TARS3: variants seen among roughly 807,000 people sequenced by gnomAD.
The protein encoded by TARS3 is threonyl-tRNA synthetase 3, also known as threonine--tRNA ligase 2, cytoplasmic.
TARS3 carries 94 observed loss-of-function variants against 103.5 expected under a neutral mutation model. That is an observed-to-expected ratio of 0.91 (90% confidence interval 0.77 to 1.08). TARS3 has a LOEUF of 1.08. Among genes scored for constraint, TARS3 ranks in the 50% least tolerant of loss-of-function variants. The pLI, the probability that TARS3 is intolerant of heterozygous loss-of-function variation, is 0.00. For synonymous variants in TARS3, 416 were observed against 355.4 expected (o/e 1.17, Z -1.92); for missense variants, 952 against 995.2 (o/e 0.96, Z 0.58).
rs572040018 is a variant in TARS3, at chr15:101,693,996, G to A, written c.1320+7090C>T. On this transcript the variant is annotated intron_variant, in intron 10 of 18. Transcript: ENST00000335968. ...CAGTTCTGCATGTTATCAAAAAGGC[G>A]TACATTTTACTGCATGACAATTAAA... 5.3e-5 allele frequency among the ~76,000 whole-genome samples: 8 copies of A among 151,936 alleles called. No individual in the cohort carries two copies. The South Asian group carries it at 8.3e-4, about 16-fold the overall frequency.
At chr15:101,662,005 CTT>C (rs1028250157) in intron 15 of TARS3, among the ~76,000 whole-genome samples, 189 bp from the exon 16 acceptor site, 1 of 152,012 alleles carries the variant, frequency 6.6e-6, no homozygotes, top group Non-Finnish European at 1.5e-5. Context: ...ATTTTAAAAA[CTT>C]TTTATTAGAG....
chr15:101,714,449 T>C (rs1375557377), intron 4 of TARS3, among the ~76,000 whole-genome samples: 2 of 151,104 alleles, frequency 1.3e-5, no homozygotes, highest in Non-Finnish European at 3.0e-5. Context: ...ACAAAAAATA[T>C]GAAAAATTAT....
intron 12 of TARS3, among the ~76,000 whole-genome samples, chr15:101,683,513 T>G (rs1357309894): frequency 6.6e-6 from 1 of 152,214 alleles, no homozygotes; most frequent in African/African-American, 2.4e-5. Context: ...ACAAATACTC[T>G]GAGCTTTTTG....
intron 4 of TARS3, among the ~76,000 whole-genome samples, chr15:101,713,553 A>G (rs1403848862): frequency 6.6e-6 from 1 of 152,230 alleles, no homozygotes; most frequent in African/African-American, 2.4e-5. Context: ...CAGATTCTAG[A>G]TATTTTTAGG....
chr15:101,669,070 G>A (rs1048145983), intron 15 of TARS3, among the ~76,000 whole-genome samples: 1 of 152,216 alleles, frequency 6.6e-6, no homozygotes, highest in Admixed American at 6.5e-5. Flanking sequence ...TATCATGGGT[G>A]ATGACAGCTC....
chr15:101,719,915 A>C (rs1900362290), intron 3 of TARS3, among the ~76,000 whole-genome samples: 1 of 151,004 alleles, frequency 6.6e-6, no homozygotes, highest in South Asian at 2.1e-4. Context: ...TGATCAATTC[A>C]GGGGGTTTGA....
At chr15:101,713,155 C>A (rs1037895073) in intron 4 of TARS3, among the ~76,000 whole-genome samples, 3 of 152,154 alleles carry the variant, frequency 2.0e-5, no homozygotes, top group African/African-American at 7.2e-5. Context: ...CAAACCTGGA[C>A]GTGCATAATT....
At chr15:101,714,811 G>A in intron 4 of TARS3, 29 bp downstream of exon 4, 5 of 1,596,418 alleles carry the variant, frequency 3.1e-6, no homozygotes, top group Non-Finnish European at 4.3e-6. Flanking sequence ...ACTACCCAAA[G>A]TTTGGCTGTC....
intron 12 of TARS3, among the ~76,000 whole-genome samples, chr15:101,678,055 A>T (rs1898105786): frequency 6.8e-6 from 1 of 147,714 alleles, no homozygotes; most frequent in South Asian, 2.1e-4. Flanking sequence ...ATCTCGGCTC[A>T]CTGCAACCTC....
chr15:101,701,228 G>A (rs748283228), intron 9 of TARS3, 44 bp from the exon 10 acceptor site: 2 of 1,240,574 alleles, frequency 1.6e-6, no homozygotes, highest in Admixed American at 2.2e-5. Context: ...ATCTGCTATT[G>A]CTTAATATTT....
chr15:101,689,109 T>C (rs1898597619), intron 10 of TARS3, among the ~76,000 whole-genome samples: 1 of 152,162 alleles, frequency 6.6e-6, no homozygotes, highest in African/African-American at 2.4e-5. Context: ...ACTATAGAAC[T>C]GATAGACAGA....
chr15:101,687,682 T>C (rs185787170), intron 10 of TARS3, among the ~76,000 whole-genome samples: 3 of 152,314 alleles, frequency 2.0e-5, no homozygotes, highest in African/African-American at 7.2e-5. Flanking sequence ...GATTTTAAAC[T>C]ATCCCTGCAA....
intron 3 of TARS3, among the ~76,000 whole-genome samples, chr15:101,717,329 T>C (rs921817988): frequency 4.6e-5 from 7 of 152,254 alleles, no homozygotes; most frequent in African/African-American, 1.7e-4. Flanking sequence ...AGGACCTTCC[T>C]CATTCATCTA....
chr15:101,685,798 T>A, intron 11 of TARS3, 98 bp downstream of exon 11: 1 of 1,011,232 alleles, frequency 9.9e-7, no homozygotes, highest in Non-Finnish European at 1.4e-6. Context: ...CTCTTCAGAT[T>A]AAAGGGACTC....
chr15:101,663,728 C>G (rs535133661), intron 15 of TARS3, among the ~76,000 whole-genome samples: 1 of 152,228 alleles, frequency 6.6e-6, no homozygotes, highest in African/African-American at 2.4e-5. Context: ...TTGGATTTCT[C>G]TATATTTTAA....
At chr15:101,709,867 A>G (rs1041113712) in intron 5 of TARS3, among the ~76,000 whole-genome samples, 9 of 152,248 alleles carry the variant, frequency 5.9e-5, no homozygotes, top group African/African-American at 2.2e-4. Flanking sequence ...GTCTTCATCC[A>G]GATTTCTGGC....
Position 101,711,841 on chromosome 15 carries a change from G to C in TARS3, c.812+39C>G, listed in dbSNP as rs778740974. 3 of 1,605,250 alleles carry C rather than the reference G, an allele frequency of 1.9e-6. No individual in the cohort carries two copies. The Admixed American group carries it at 5.0e-5, about 27-fold the overall frequency. On this transcript the variant is annotated intron_variant, in intron 5 of 18. Coordinates refer to ENST00000335968, the MANE Select transcript of TARS3 (RefSeq NM_152334.3). ...GTAACCATTACAGAACAATACAATT[G>C]AAACACATGCATTCACAAGCCAGTA...
intron 15 of TARS3, among the ~76,000 whole-genome samples, chr15:101,669,854 T>G (rs1487626519): frequency 2.0e-5 from 3 of 152,148 alleles, no homozygotes; most frequent in African/African-American, 7.2e-5. Flanking sequence ...AGAACAGAAT[T>G]TATAATCTAG....
At chr15:101,666,708 G>A (rs962993786) in intron 15 of TARS3, among the ~76,000 whole-genome samples, 3 of 151,900 alleles carry the variant, frequency 2.0e-5, no homozygotes, top group Admixed American at 6.6e-5. Context: ...ATCTTCAACC[G>A]ACCTGCTTTA....
Sources: allele counts gnomAD v4.1 joint callset (sites outside exome capture counted in the v4.1 genomes callset), GRCh38; gene constraint gnomAD v4.1.1; transcripts MANE v1.5; gene names NCBI Gene and HGNC (gene_info 2026-07-23, HGNC 2026-07-21).